ADAMTS9: variants seen among roughly 807,000 people sequenced by gnomAD.
ADAMTS9 encodes ADAM metallopeptidase with thrombospondin type 1 motif 9, also known as A disintegrin and metalloproteinase with thrombospondin motifs 9.
In ADAMTS9, 107 loss-of-function variants were observed where a neutral mutation model predicts 257.1. That is an observed-to-expected ratio of 0.42 (90% confidence interval 0.36 to 0.49). ADAMTS9 has a LOEUF of 0.49. Among genes scored for constraint, ADAMTS9 ranks in the 20% least tolerant of loss-of-function variants. The pLI, the probability that ADAMTS9 is intolerant of heterozygous loss-of-function variation, is 0.03. For missense variants in ADAMTS9, 2,353 were observed against 2,469.1 expected (o/e 0.95, Z 1.00); for synonymous variants, 982 against 880.9 (o/e 1.11, Z -2.03).
intron 38 of ADAMTS9, among the ~76,000 whole-genome samples, chr3:64,531,372 G>A (rs1305775221): frequency 2.0e-5 from 3 of 151,674 alleles, no homozygotes; most frequent in Admixed American, 1.3e-4. Context: ...GCTTGGTTAA[G>A]TATGAATTTC....
At chr3:64,663,400 C>T (rs1468817586) in intron 3 of ADAMTS9, among the ~76,000 whole-genome samples, 1 of 147,504 alleles carries the variant, frequency 6.8e-6, no homozygotes, top group African/African-American at 2.5e-5. Context: ...GCAGTGAGAA[C>T]AACACTCAGG....
chr3:64,570,724 A>ATT (rs2083663212), intron 28 of ADAMTS9, among the ~76,000 whole-genome samples: 1 of 135,824 alleles, frequency 7.4e-6, no homozygotes, highest in Non-Finnish European at 1.6e-5. Context: ...AAAAAAAAAG[A>ATT]TGTATTTTTT....
At chr3:64,604,961 T>C (rs1422611903) in intron 23 of ADAMTS9, among the ~76,000 whole-genome samples, 1 of 152,258 alleles carries the variant, frequency 6.6e-6, no homozygotes, top group Non-Finnish European at 1.5e-5. Flanking sequence ...CCTGCTCATA[T>C]TCACTCTCAG....
At chr3:64,571,694 A>G (rs779780570) in intron 28 of ADAMTS9, among the ~76,000 whole-genome samples, 1 of 152,200 alleles carries the variant, frequency 6.6e-6, no homozygotes, top group Admixed American at 6.5e-5. Context: ...GGAAATTCTC[A>G]AGGTATCTAA....
intron 27 of ADAMTS9, 63 bp downstream of exon 27, chr3:64,596,767 A>G: frequency 6.3e-7 from 1 of 1,580,036 alleles, no homozygotes; most frequent in Non-Finnish European, 8.6e-7. Context: ...TAAAATCTGA[A>G]TGATAAATAC....
chr3:64,638,462 T>C (rs911096492), intron 12 of ADAMTS9, among the ~76,000 whole-genome samples: 11 of 152,172 alleles, frequency 7.2e-5, no homozygotes, highest in African/African-American at 1.9e-4. Context: ...GTGTAATTAA[T>C]TGCCCAATCA....
rs568238435 is a variant in ADAMTS9 at position 64,594,450 on chromosome 3, G to A, written c.4180-16C>T. On this transcript the variant is annotated splice_polypyrimidine_tract_variant and intron_variant, in intron 27 of 39. Coordinates refer to ENST00000498707, the MANE Select transcript of ADAMTS9 (RefSeq NM_182920.2). ...GCTTAGTGCACTGGAAGAAGGAAAA[G>A]GAAGGCTGCAGTTATTTTGTCTGAA... The A allele has an allele frequency of 3.1e-6, 5 of 1,603,852 alleles. No individual in the cohort carries two copies. Among genetic ancestry groups the A allele is most frequent in the Admixed American group, 3.5e-5 (2 of 57,816 alleles).
At chr3:64,537,733 T>C (rs559530008) in intron 37 of ADAMTS9, among the ~76,000 whole-genome samples, 23 of 152,248 alleles carry the variant, frequency 1.5e-4, no homozygotes, top group African/African-American at 5.5e-4. Flanking sequence ...ACAGGCAAAG[T>C]AAGAAACTCT....
At chr3:64,536,289 A>T (rs541865379) in intron 37 of ADAMTS9, among the ~76,000 whole-genome samples, 10 of 152,314 alleles carry the variant, frequency 6.6e-5, no homozygotes, top group African/African-American at 2.4e-4. Context: ...CCACCAGAGA[A>T]GTAAAGACCT....
Position 64,601,925 on chromosome 3 carries a change from A to G in ADAMTS9, c.4017+19T>C. ...ACCTCAAGTGAAAGAGAAGCAAGCA[A>G]ACTTCAGGGAATACTCACTGCTCCC... On this transcript the variant is annotated intron_variant, in intron 26 of 39. Coordinates refer to ENST00000498707, the MANE Select transcript of ADAMTS9 (RefSeq NM_182920.2). The G allele has an allele frequency of 6.4e-7, 1 of 1,564,352 alleles. No individual in the cohort carries two copies. Among genetic ancestry groups the G allele is most frequent in the Non-Finnish European group, 8.6e-7 (1 of 1,156,126 alleles).
At chr3:64,626,085 C>G (rs1700214575) in intron 16 of ADAMTS9, among the ~76,000 whole-genome samples, 1 of 152,164 alleles carries the variant, frequency 6.6e-6, no homozygotes. Flanking sequence ...GTTTCTTCCT[C>G]TGTATAATGA....
At chr3:64,641,755 T>A in intron 12 of ADAMTS9, 93 bp downstream of exon 12, 1 of 1,501,284 alleles carries the variant, frequency 6.7e-7, no homozygotes, top group Non-Finnish European at 9.1e-7. Context: ...GCTCTCTAAG[T>A]TGGAATGTAC....
intron 22 of ADAMTS9, 76 bp from the exon 23 acceptor site, chr3:64,607,155 C>A: frequency 6.4e-7 from 1 of 1,573,284 alleles, no homozygotes; most frequent in Non-Finnish European, 8.6e-7. Flanking sequence ...TAACATTCTG[C>A]AAGAGAGAAA....
intron 31 of ADAMTS9, among the ~76,000 whole-genome samples, chr3:64,547,360 CAG>C (rs2083214792): frequency 1.3e-5 from 2 of 152,096 alleles, no homozygotes; most frequent in African/African-American, 2.4e-5. Context: ...GAGACAGCAG[CAG>C]CTGACCCGTG....
rs116186337 is a variant in ADAMTS9, at chr3:64,517,695, G to A, written c.*6-574C>T. Among the ~76,000 whole-genome samples, 1,300 of 151,614 alleles carry A rather than the reference G, an allele frequency of 8.6e-3. 10 individuals carry two copies. The highest frequency in any genetic ancestry group is 0.014 in the Non-Finnish European group (933 of 67,880). On this transcript the variant is annotated intron_variant, in intron 39 of 39. Coordinates refer to ENST00000498707, the MANE Select transcript of ADAMTS9 (RefSeq NM_182920.2). ...CTGCTCTTCATATATTGGTATTTTG[G>A]TATTTCCTTCTAGTCTTTTTTCTAT...
chr3:64,611,439 A>G (rs1193094648), intron 22 of ADAMTS9, among the ~76,000 whole-genome samples: 1 of 152,212 alleles, frequency 6.6e-6, no homozygotes, highest in Non-Finnish European at 1.5e-5. Flanking sequence ...ACGTAAATCC[A>G]TAAACACAAT....
At position 64,546,885 on chromosome 3, in the gene ADAMTS9, T is replaced by C; in HGVS notation, c.4937A>G (p.Lys1646Arg). 1.9e-6 allele frequency: 3 copies of C among 1,614,130 alleles called. No homozygotes were observed. Among genetic ancestry groups the C allele is most frequent in the South Asian group, 1.1e-5 (1 of 91,076 alleles). ...TTGGTAGCTGTATTCATAATTCTCC[T>C]TCCCGGTGTAAATCTCGCTGCACGA... ...LVSCSEIYTG[K>R]ENYEYSYQTT... Residue 1646 changes from lysine (K) to arginine (R), a missense_variant, in exon 32 of 40, where the codon AAG becomes AGG. Coordinates refer to ENST00000498707, the MANE Select transcript of ADAMTS9 (RefSeq NM_182920.2).
At chr3:64,610,899 A>G (rs796339769) in intron 22 of ADAMTS9, among the ~76,000 whole-genome samples, 12 of 151,718 alleles carry the variant, frequency 7.9e-5, no homozygotes, top group African/African-American at 2.9e-4. Context: ...ACACGGTGAA[A>G]CCCCGTCTCT....
At chr3:64,620,509 A>G (rs751107540) in intron 19 of ADAMTS9, among the ~76,000 whole-genome samples, 12 of 152,210 alleles carry the variant, frequency 7.9e-5, no homozygotes, top group Non-Finnish European at 1.2e-4. Flanking sequence ...TAATATTTCA[A>G]TATGACACAG....
Sources: gnomAD v4.1 joint callset for allele counts (sites outside exome capture counted in the v4.1 genomes callset) on GRCh38, gnomAD v4.1.1 for gene constraint, MANE v1.5 for transcripts, NCBI Gene and HGNC (gene_info 2026-07-23, HGNC 2026-07-21) for gene names.